MAEL: variants seen among roughly 807,000 people sequenced by gnomAD.
MAEL encodes maelstrom spermatogenic transposon silencer.
In MAEL, 46 loss-of-function variants were observed where a neutral mutation model predicts 62.0. The ratio of observed to expected loss-of-function variants is 0.74; its 90% CI spans 0.59 to 0.95. The LOEUF is 0.95. MAEL is among the 40% of genes least tolerant of loss of function. The pLI is 0.00. For synonymous variants in MAEL, 172 were observed against 175.5 expected (o/e 0.98, Z 0.16); for missense variants, 497 against 526.8 (o/e 0.94, Z 0.55).
upstream of MAEL, among the ~76,000 whole-genome samples, chr1:166,988,070 C>T (rs919033641): frequency 3.3e-5 from 5 of 152,080 alleles, no homozygotes; most frequent in Admixed American, 1.3e-4. Context: ...ACAAATTAGG[C>T]CAGGTTCAGT....
intron 5 of MAEL, among the ~76,000 whole-genome samples, chr1:167,002,578 C>G (rs1413712411): frequency 6.6e-6 from 1 of 152,138 alleles, no homozygotes; most frequent in Admixed American, 6.6e-5. Flanking sequence ...AAGCTGGAGT[C>G]ACTAGCATCT....
At chr1:166,982,795 T>TC (rs1035255548) in intron 1 of MAEL, among the ~76,000 whole-genome samples, 32 of 152,242 alleles carry the variant, frequency 2.1e-4, no homozygotes, top group African/African-American at 7.7e-4. Flanking sequence ...CTCTCTACTT[T>TC]CCCCCTCACT....
intron 4 of MAEL, 50 bp downstream of exon 4, chr1:166,992,891 T>C: frequency 6.9e-7 from 1 of 1,447,950 alleles, no homozygotes; most frequent in African/African-American, 1.5e-5. Context: ...GGTTTTTTTT[T>C]TTAAATCTTG....
intron 8 of MAEL, chr1:167,005,991 T>A (rs1664879001): frequency 6.6e-6 from 1 of 152,180 alleles, no homozygotes. Flanking sequence ...ACACACCTGA[T>A]CTTGTCTGAT....
At chr1:166,990,152 C>T (rs1375331801) in intron 2 of MAEL, 1 of 129,212 alleles carries the variant, frequency 7.7e-6, no homozygotes, top group Non-Finnish European at 1.5e-5. Flanking sequence ...CAAGGTGTCC[C>T]TTTCAACTCT....
chr1:167,008,518 G>A (rs575519102), intron 8 of MAEL, among the ~76,000 whole-genome samples: 2 of 152,022 alleles, frequency 1.3e-5, no homozygotes, highest in Admixed American at 6.6e-5. Context: ...GTAAGCAAAT[G>A]TGTTGTCTTT....
intron 8 of MAEL, among the ~76,000 whole-genome samples, chr1:167,008,782 G>A (rs1665039739): frequency 2.6e-5 from 4 of 151,992 alleles, no homozygotes; most frequent in African/African-American, 9.7e-5. Context: ...AATAAATTAT[G>A]TCATTTTAAC....
chr1:167,010,032 G>A (rs1053421317), intron 8 of MAEL, among the ~76,000 whole-genome samples: 2 of 152,046 alleles, frequency 1.3e-5, no homozygotes, highest in Non-Finnish European at 2.9e-5. Context: ...ATCTCACCTC[G>A]AATTGTAATC....
In MAEL at chr1:166,980,042, G is replaced by A. The variant is rs1663711749; in HGVS notation, c.-121+4376G>A. On this transcript the variant is annotated intron_variant, in intron 1 of 12. Coordinates refer to the MAEL transcript ENST00000622874. ...CTTTCTTTCTTTCTTTTAGAGACAG[G>A]GTCTGACTCTGTCACCCAGACTGGA... 1.3e-5 allele frequency among the ~76,000 whole-genome samples: 2 copies of A among 151,716 alleles called. 1 individual carries two copies. The highest frequency in any genetic ancestry group is 4.2e-4 in the South Asian group (2 of 4,808).
chr1:166,994,755 TGC>T (rs1347854327), intron 5 of MAEL, among the ~76,000 whole-genome samples: 3 of 149,674 alleles, frequency 2.0e-5, no homozygotes, highest in Admixed American at 1.3e-4. Context: ...CTGCAATCTC[TGC>T]CTCCTTGGTT....
chr1:167,004,821 A>G (rs1473721061), intron 6 of MAEL, among the ~76,000 whole-genome samples: 1 of 152,086 alleles, frequency 6.6e-6, no homozygotes, highest in African/African-American at 2.4e-5. Context: ...TGCATACCCT[A>G]GGTCTCTCTT....
At chr1:167,020,854 A>T (rs1166026697) in intron 10 of MAEL, among the ~76,000 whole-genome samples, 1 of 151,970 alleles carries the variant, frequency 6.6e-6, no homozygotes, top group African/African-American at 2.4e-5. Flanking sequence ...AACGTGCTAT[A>T]ATCTCACTTT....
At chr1:167,021,246 TATC>T in intron 11 of MAEL, 86 bp downstream of exon 11, 1 of 910,352 alleles carries the variant, frequency 1.1e-6, no homozygotes, top group Non-Finnish European at 1.8e-6. Context: ...TAAACAGTGA[TATC>T]TAAATTAGCT....
chr1:166,989,059 C>T, upstream of MAEL: 1 of 399,622 alleles, frequency 2.5e-6, no homozygotes, highest in South Asian at 3.2e-5. Context: ...AGAAATTGCT[C>T]CAGGCCTCCC....
chr1:167,002,861 C>G (rs964373255), intron 5 of MAEL, among the ~76,000 whole-genome samples: 2 of 152,132 alleles, frequency 1.3e-5, no homozygotes, highest in African/African-American at 4.8e-5. Flanking sequence ...ATTGGAAACT[C>G]TGTTCTGTTT....
intron 8 of MAEL, among the ~76,000 whole-genome samples, chr1:167,006,634 T>TATAC (rs1157784785): frequency 1.1e-5 from 1 of 93,136 alleles, no homozygotes; most frequent in Non-Finnish European, 2.5e-5. Context: ...TATATATATA[T>TATAC]ATACATTTTT....
intron 5 of MAEL, among the ~76,000 whole-genome samples, chr1:167,000,313 A>T (rs1237766791): frequency 6.6e-6 from 1 of 152,228 alleles, no homozygotes; most frequent in Non-Finnish European, 1.5e-5. Context: ...CAAGGATTAG[A>T]TTCCAGCTCT....
chr1:167,004,623 A>G (rs796675991), intron 6 of MAEL, among the ~76,000 whole-genome samples: 5 of 152,290 alleles, frequency 3.3e-5, no homozygotes, highest in Admixed American at 6.5e-5. Context: ...CCGTACACCT[A>G]TCTTTCGAAA....
At position 167,016,285 on chromosome 1, in the gene MAEL, G is replaced by C. The variant is rs757249676; in HGVS notation, c.908+1G>C. On this transcript the variant is annotated splice_donor_variant, in intron 9 of 11. Transcript: ENST00000367872. LOFTEE classifies it high-confidence loss of function. ...CTTTAGCTGTTTGCAAGAAGATTGCGTAAGTTGGGGAAAGGAGTTTCTTCA... is the reference window on the plus strand; with the variant it reads ...CTTTAGCTGTTTGCAAGAAGATTGCCTAAGTTGGGGAAAGGAGTTTCTTCA... The C allele has an allele frequency of 8.7e-6, 14 of 1,612,982 alleles. No individual in the cohort carries two copies. In the South Asian group the frequency reaches 1.5e-4, roughly 18 times the overall value.
Sources: allele counts gnomAD v4.1 joint callset (sites outside exome capture counted in the v4.1 genomes callset), GRCh38; gene constraint gnomAD v4.1.1; transcripts MANE v1.5; gene names NCBI Gene and HGNC (gene_info 2026-07-23, HGNC 2026-07-21).